AKAP13: variants seen among roughly 807,000 people sequenced by gnomAD.
AKAP13 encodes A-kinase anchoring protein 13.
AKAP13 carries 80 observed loss-of-function variants against 264.5 expected under a neutral mutation model. That is an observed-to-expected ratio of 0.30 (90% CI 0.25 to 0.36). The LOEUF is 0.36. AKAP13 is among the 10% of genes least tolerant of loss of function. The pLI is 1.00. For missense variants in AKAP13, 3,712 were observed against 3,435.2 expected, an observed-to-expected ratio of 1.08 and a Z score of -2.01; for synonymous variants, 1,380 against 1,250.2, an observed-to-expected ratio of 1.10 and a Z score of -2.19.
chr15:85,641,598 G>A (rs569857507), intron 9 of AKAP13, among the ~76,000 whole-genome samples: 5 of 151,740 alleles, frequency 3.3e-5, no homozygotes, highest in African/African-American at 1.2e-4. Flanking sequence ...CCATTCTCCT[G>A]CCTCAGCCTT....
intron 2 of AKAP13, among the ~76,000 whole-genome samples, chr15:85,507,493 A>T (rs1184498838): frequency 2.0e-5 from 3 of 152,126 alleles, no homozygotes; most frequent in Non-Finnish European, 4.4e-5. Context: ...GCCAATCCTG[A>T]TATTAGATGA....
chr15:85,504,885 C>G (rs2076162940), intron 2 of AKAP13, among the ~76,000 whole-genome samples: 1 of 151,902 alleles, frequency 6.6e-6, no homozygotes, highest in Admixed American at 6.6e-5. Context: ...CTCTCTTGCT[C>G]TCTCGCTCTT....
chr15:85,494,607 A>G (rs995062030), intron 2 of AKAP13, among the ~76,000 whole-genome samples: 5 of 152,200 alleles, frequency 3.3e-5, no homozygotes, highest in African/African-American at 1.2e-4. Context: ...TTGATGAGTC[A>G]TAGGAATCAT....
chr15:85,584,964 A>G (rs151176028), intron 7 of AKAP13, among the ~76,000 whole-genome samples: 4 of 152,338 alleles, frequency 2.6e-5, no homozygotes, highest in African/African-American at 9.6e-5. Flanking sequence ...GACATCATTT[A>G]TCATTTCCTT....
At chr15:85,728,507 A>G (rs569026030) in intron 29 of AKAP13, among the ~76,000 whole-genome samples, 5 of 152,318 alleles carry the variant, frequency 3.3e-5, no homozygotes, top group Non-Finnish European at 7.4e-5. Context: ...GATTCCTTAA[A>G]AAGAGCCCTT....
At chr15:85,621,357 G>A (rs2081177173) in intron 8 of AKAP13, 1 of 152,192 alleles carries the variant, frequency 6.6e-6, no homozygotes, top group Non-Finnish European at 1.5e-5. Context: ...GTAACTTGGT[G>A]TTTTGAAATT....
At chr15:85,525,322 T>A (rs558829110) in intron 3 of AKAP13, among the ~76,000 whole-genome samples, 3 of 152,170 alleles carry the variant, frequency 2.0e-5, no homozygotes, top group African/African-American at 4.8e-5. Context: ...CCTCCCAAAG[T>A]GCTGGGATTA....
At chr15:85,742,628 T>C (rs752527724) in intron 35 of AKAP13, among the ~76,000 whole-genome samples, 2 of 152,254 alleles carry the variant, frequency 1.3e-5, no homozygotes, top group Non-Finnish European at 2.9e-5. Flanking sequence ...CTGCTGCTTA[T>C]ATTGGAAGGC....
In AKAP13 at chr15:85,655,555, C is replaced by G. The variant is rs756234876; in HGVS notation, c.4513C>G (p.Arg1505Gly). 4 of 1,614,062 alleles carry G rather than the reference C, an allele frequency of 2.5e-6. No homozygotes were observed. The highest frequency in any genetic ancestry group is 3.4e-6 in the Non-Finnish European group (4 of 1,180,038). The change falls in exon 11 of 37, where the codon CGG (arginine) becomes GGG (glycine). Residue 1505 changes from arginine (R) to glycine (G), a missense_variant. By Grantham distance (125) the Arg-to-Gly change is moderately radical (BLOSUM62 -2). Around this residue, in one of 3 missense-constraint regions of AKAP13, gnomAD observed 2,759 missense variants for 2,411.7 expected, o/e 1.14. Coordinates refer to ENST00000394518, the MANE Select transcript of AKAP13 (RefSeq NM_007200.5). Reference sequence around the variant, plus strand: ...TTTAAAGCCAAACAGGTCAAGAGATCGGCAAAGCCTTGATGGATTCTACAG... The same window carrying G: ...TTTAAAGCCAAACAGGTCAAGAGATGGGCAAAGCCTTGATGGATTCTACAG... ...QILKPNRSRD[R>G]QSLDGFYSHG...
At chr15:85,486,885 C>T (rs2151060918) in intron 2 of AKAP13, among the ~76,000 whole-genome samples, 1 of 151,768 alleles carries the variant, frequency 6.6e-6, no homozygotes, top group African/African-American at 2.4e-5. Context: ...ACTATAGGTG[C>T]CTGCCACCAC....
chr15:85,569,451 C>CTTTTTTT (rs71468120), intron 5 of AKAP13, among the ~76,000 whole-genome samples: 118 of 121,762 alleles, frequency 9.7e-4, no homozygotes, highest in Non-Finnish European at 1.4e-3. Context: ...TTTTTCTTTT[C>CTTTTTTT]TTTTTTTTTT....
intron 1 of AKAP13, among the ~76,000 whole-genome samples, chr15:85,403,557 G>A (rs955930585): frequency 1.3e-5 from 2 of 152,142 alleles, no homozygotes; most frequent in African/African-American, 4.8e-5. Context: ...AAGCTGATGT[G>A]AGGTCGGGCG....
At chr15:85,441,365 T>A (rs2073646121) in intron 1 of AKAP13, among the ~76,000 whole-genome samples, 1 of 152,174 alleles carries the variant, frequency 6.6e-6, no homozygotes, top group Non-Finnish European at 1.5e-5. Context: ...TATTGAGTTA[T>A]AAGAGTTCTT....
At chr15:85,517,361 C>T (rs369454864) in intron 2 of AKAP13, among the ~76,000 whole-genome samples, 20 of 136,648 alleles carry the variant, frequency 1.5e-4, no homozygotes, top group Non-Finnish European at 2.1e-4. Context: ...TTTTTTTTTT[C>T]CCCCCATCAA....
chr15:85,386,935 G>A (rs1324961402), intron 1 of AKAP13, among the ~76,000 whole-genome samples: 1 of 152,010 alleles, frequency 6.6e-6, no homozygotes, highest in East Asian at 1.9e-4. Flanking sequence ...TTTCAGAATT[G>A]TTTTTTGGGT....
At chr15:85,707,157 G>T (rs545936649) in intron 17 of AKAP13, among the ~76,000 whole-genome samples, 1 of 152,136 alleles carries the variant, frequency 6.6e-6, no homozygotes, top group Non-Finnish European at 1.5e-5. Flanking sequence ...CCCACAGGCC[G>T]ATCTTTCATT....
chr15:85,568,675 T>G (rs2078696095), intron 5 of AKAP13, among the ~76,000 whole-genome samples: 1 of 152,198 alleles, frequency 6.6e-6, no homozygotes, highest in Non-Finnish European at 1.5e-5. Context: ...CTGTGGCTCT[T>G]TGCTTTATAT....
intron 35 of AKAP13, among the ~76,000 whole-genome samples, chr15:85,741,734 A>C (rs201916697): frequency 0.15 from 21,925 of 146,912 alleles, 2,098 homozygotes; most frequent in East Asian, 0.36. Context: ...ACAAACAAAA[A>C]AAAAAAACAG....
rs745607043 is a variant in AKAP13, at chr15:85,581,533, T to C, written c.3465T>C (p.Leu1155=). Residue 1155 remains leucine, a synonymous_variant, in exon 7 of 37, where the codon CTT becomes CTC. Transcript: ENST00000394518. ...TTGGAACCCCAGAGATGATACCTCT[T>C]GATTGGGAGAAAGGGAAGCTGGAGG... ...QGVGTPEMIP[L]DWEKGKLEGA... The C allele has an allele frequency of 3.1e-6, 5 of 1,614,056 alleles. No individual in the cohort carries two copies. Among genetic ancestry groups the C allele is most frequent in the South Asian group, 1.1e-5 (1 of 91,082 alleles).
Sources: gnomAD v4.1 joint callset for allele counts (sites outside exome capture counted in the v4.1 genomes callset) on GRCh38, gnomAD v4.1.1 for gene constraint, gnomAD v4.1.1 regional missense constraint, MANE v1.5 for transcripts, NCBI Gene and HGNC (gene_info 2026-07-23, HGNC 2026-07-21) for gene names.